RBMS1: variants seen among roughly 807,000 people sequenced by gnomAD.
The protein encoded by RBMS1 is RNA binding motif single stranded interacting protein 1.
RBMS1 carries 17 observed loss-of-function variants against 62.3 expected under a neutral mutation model. The ratio of observed to expected loss-of-function variants is 0.27; its 90% CI spans 0.19 to 0.41. The LOEUF (loss-of-function observed/expected upper bound fraction) is 0.41, where lower values mean the gene tolerates loss of function less well. Among genes scored for constraint, RBMS1 ranks in the 10% least tolerant of loss-of-function variants. RBMS1 has a pLI of 1.00. For synonymous variants in RBMS1, 172 were observed against 170.0 expected (o/e 1.01, Z -0.09); for missense variants, 334 against 504.5 (o/e 0.66, Z 3.24).
intron 9 of RBMS1, chr2:160,281,601 TATC>T: frequency 2.5e-6 from 1 of 395,466 alleles, no homozygotes; most frequent in Non-Finnish European, 4.5e-6. Context: ...AATTGTTGAG[TATC>T]AGGCAACAAA....
At chr2:160,314,332 C>G (rs1319742325) in intron 3 of RBMS1, among the ~76,000 whole-genome samples, 1 of 152,026 alleles carries the variant, frequency 6.6e-6, no homozygotes, top group Non-Finnish European at 1.5e-5. Flanking sequence ...AATACCAGAG[C>G]CTTCCATGGA....
At chr2:160,470,971 A>G (rs1013796849) in intron 1 of RBMS1, among the ~76,000 whole-genome samples, 1 of 152,208 alleles carries the variant, frequency 6.6e-6, no homozygotes, top group African/African-American at 2.4e-5. Context: ...TAAAATCTCC[A>G]AATCTGCATA....
chr2:160,381,523 T>C (rs1468499853), intron 1 of RBMS1, among the ~76,000 whole-genome samples: 1 of 152,180 alleles, frequency 6.6e-6, no homozygotes, highest in Non-Finnish European at 1.5e-5. Context: ...AGTTTACAGA[T>C]AAGAGAACAG....
intron 2 of RBMS1, among the ~76,000 whole-genome samples, chr2:160,364,641 T>A (rs1693304172): frequency 6.6e-6 from 1 of 152,220 alleles, no homozygotes; most frequent in Non-Finnish European, 1.5e-5. Flanking sequence ...CATTACAGCA[T>A]CTCTATGTTC....
At chr2:160,432,087 A>G (rs756304548) in intron 1 of RBMS1, among the ~76,000 whole-genome samples, 67 of 152,198 alleles carry the variant, frequency 4.4e-4, no homozygotes, top group Admixed American at 1.0e-3. Flanking sequence ...TATTATATTT[A>G]AAGAATTTAA....
intron 1 of RBMS1, among the ~76,000 whole-genome samples, chr2:160,486,716 A>C (rs1685616046): frequency 2.0e-5 from 3 of 152,208 alleles, no homozygotes. Context: ...ATATCCACTA[A>C]AGATCAGGAA....
chr2:160,332,886 T>A (rs1198879753), intron 2 of RBMS1, among the ~76,000 whole-genome samples: 4 of 149,744 alleles, frequency 2.7e-5, no homozygotes, highest in Non-Finnish European at 4.4e-5. Context: ...ATATAATGTT[T>A]TATATATATA....
chr2:160,386,159 G>A (rs1299290171), intron 1 of RBMS1, among the ~76,000 whole-genome samples: 4 of 152,204 alleles, frequency 2.6e-5, no homozygotes, highest in African/African-American at 4.8e-5. Flanking sequence ...CTCATTTATA[G>A]TCAAACCAAA....
intron 1 of RBMS1, among the ~76,000 whole-genome samples, chr2:160,424,114 G>T (rs1264620154): frequency 6.6e-6 from 1 of 151,806 alleles, no homozygotes; most frequent in African/African-American, 2.4e-5. Flanking sequence ...CGCCACTTGG[G>T]TTCAAGTGAT....
intron 1 of RBMS1, among the ~76,000 whole-genome samples, chr2:160,371,692 C>G (rs12997772): frequency 2.0e-5 from 3 of 152,088 alleles, no homozygotes; most frequent in Non-Finnish European, 4.4e-5. Context: ...TCAGGAAGAG[C>G]GTTCATCAGC....
intron 1 of RBMS1, among the ~76,000 whole-genome samples, chr2:160,417,159 A>G (rs903649896): frequency 2.2e-4 from 33 of 152,142 alleles, no homozygotes; most frequent in African/African-American, 8.0e-4. Flanking sequence ...ACACGCATGC[A>G]CACACACACA....
At chr2:160,309,472 T>A (rs1352309831) in intron 4 of RBMS1, among the ~76,000 whole-genome samples, 1 of 152,116 alleles carries the variant, frequency 6.6e-6, no homozygotes, top group Non-Finnish European at 1.5e-5. Flanking sequence ...CAGGTAGAGT[T>A]GGCCCAGGGT....
chr2:160,485,426 G>A (rs189183430), intron 1 of RBMS1, among the ~76,000 whole-genome samples: 1 of 152,200 alleles, frequency 6.6e-6, no homozygotes, highest in Non-Finnish European at 1.5e-5. Flanking sequence ...AGAAACATCT[G>A]ATGTGGTGAT....
chr2:160,311,228 C>CCATATATATA (rs1553505409), intron 4 of RBMS1, among the ~76,000 whole-genome samples: 1 of 95,944 alleles, frequency 1.0e-5, no homozygotes, highest in Admixed American at 1.4e-4. Context: ...ATCTATCTAT[C>CCATATATATA]TATCTATATA....
At chr2:160,373,908 CAG>C (rs1420762878) in intron 1 of RBMS1, among the ~76,000 whole-genome samples, 2 of 151,988 alleles carry the variant, frequency 1.3e-5, no homozygotes, top group African/African-American at 2.4e-5. Flanking sequence ...GATGAAAAGA[CAG>C]GGGACAAAAA....
At position 160,395,480 on chromosome 2, in the gene RBMS1, C is replaced by T. The variant is rs1413331640; in HGVS notation, c.76-28089G>A. Among the ~76,000 whole-genome samples, 5 of 152,078 alleles carry T rather than the reference C, an allele frequency of 3.3e-5. No individual in the cohort carries two copies. In the East Asian group the frequency reaches 9.7e-4, roughly 30 times the overall value. On this transcript the variant is annotated intron_variant, in intron 1 of 13. Transcript: ENST00000348849. The stretch of plus-strand genomic sequence containing the variant: ...TCTACTAAAAATACAAAAAATTAGC[C>T]GGGCGTGGTGGCGGGCGCCTGCAGT...
intron 1 of RBMS1, among the ~76,000 whole-genome samples, chr2:160,448,986 A>G (rs28468464): frequency 0.22 from 32,771 of 149,092 alleles, 3,892 homozygotes; most frequent in African/African-American, 0.31. Context: ...CCCGACCGCC[A>G]CCCTGTCTGG....
chr2:160,438,303 G>A (rs1028559062), intron 1 of RBMS1, among the ~76,000 whole-genome samples: 2 of 147,274 alleles, frequency 1.4e-5, no homozygotes, highest in South Asian at 2.1e-4. Context: ...GGTGTTTCTC[G>A]CAGAGGGGGA....
chr2:160,484,515 A>AC (rs1361827823), intron 1 of RBMS1, among the ~76,000 whole-genome samples: 3 of 150,114 alleles, frequency 2.0e-5, no homozygotes, highest in Admixed American at 6.7e-5. Flanking sequence ...AACAACAACA[A>AC]AAAAATGTAC....
Sources: allele counts gnomAD v4.1 joint callset (sites outside exome capture counted in the v4.1 genomes callset), GRCh38; gene constraint gnomAD v4.1.1; transcripts MANE v1.5; gene names NCBI Gene and HGNC (gene_info 2026-07-23, HGNC 2026-07-21).